SEC23A: variants seen among roughly 807,000 people sequenced by gnomAD.
SEC23A encodes SEC23 homolog A, COPII component.
SEC23A carries 56 observed loss-of-function variants against 103.7 expected under a neutral mutation model. The ratio of observed to expected loss-of-function variants is 0.54; its 90% CI spans 0.44 to 0.67. SEC23A has a LOEUF of 0.67. Ranked by LOEUF, SEC23A falls within the 30% of genes least tolerant of loss-of-function variation. The pLI is 0.00. For synonymous variants in SEC23A, 281 were observed against 293.0 expected, an observed-to-expected ratio of 0.96 and a Z score of 0.42; for missense variants, 784 against 936.4, an observed-to-expected ratio of 0.84 and a Z score of 2.12.
intron 18 of SEC23A, 81 bp downstream of exon 18, chr14:39,040,651 A>G: frequency 3.2e-6 from 5 of 1,544,308 alleles, no homozygotes; most frequent in Non-Finnish European, 4.5e-6. Flanking sequence ...GAAGCAATCT[A>G]TTAAAATCAG....
chr14:39,067,292 A>T lies in SEC23A; in HGVS notation c.1108T>A (p.Tyr370Asn), dbSNP rs777404819. Residue 370 changes from tyrosine (Y) to asparagine (N), a missense_variant, in exon 10 of 20, where the codon TAC becomes AAC. By Grantham distance (143) the Tyr-to-Asn change is moderately radical. This residue lies in a region of SEC23A where 683 missense variants were observed against 774.2 expected (regional missense o/e 0.88). Coordinates refer to ENST00000307712, the MANE Select transcript of SEC23A (RefSeq NM_006364.4). ...TTGAAAGAATCACCCATTACCATGT[A>T]TCCTCTGCATGGAAAGAACAAAAAA... The part of the protein sequence containing the change: ...MKCCPNLTGG[Y>N]MVMGDSFNTS... 6.2e-7 allele frequency: 1 copy of T among 1,613,476 alleles called. No individual in the cohort carries two copies. Among genetic ancestry groups the T allele is most frequent in the Non-Finnish European group, 8.5e-7 (1 of 1,179,834 alleles).
chr14:39,076,041 G>A lies in SEC23A; in HGVS notation c.881C>T (p.Ala294Val). Reference sequence around the variant, plus strand: ...AACCACCATTCCAGGCCCCTGAGTAGCAGGACCACCAATGAACATCATGAT... The same window carrying A: ...AACCACCATTCCAGGCCCCTGAGTAACAGGACCACCAATGAACATCATGAT... ...ARIMMFIGGP[A>V]TQGPGMVVGD... Residue 294 changes from alanine to valine, a missense_variant, in exon 8 of 20, where the codon GCT becomes GTT. Ala to Val is a moderately conservative substitution (Grantham distance 64). This residue lies in a region of SEC23A where 683 missense variants were observed against 774.2 expected (regional missense o/e 0.88). Transcript: ENST00000307712. The A allele has an allele frequency of 6.2e-7, 1 of 1,613,582 alleles. No individual in the cohort carries two copies. The highest frequency in any genetic ancestry group is 8.5e-7 in the Non-Finnish European group (1 of 1,179,820).
chr14:39,090,853 TA>T lies in SEC23A; in HGVS notation c.603+623del, dbSNP rs555910283. The T allele has an allele frequency of 6.7e-5, 16 of 240,184 alleles. No homozygotes were observed. The East Asian group carries it at 2.2e-3, about 33-fold the overall frequency. 14.9% of individuals were successfully genotyped at this position (240,184 alleles called of 1,614,324 possible). A position where few individuals can be genotyped will look rare whatever the true frequency, so the allele number is the denominator to read the frequency against. ...CAGTGGATTAGATCAATGCCCTTGT[TA>T]AAGCAGCTGATATAAATGTTGAACC... On this transcript the variant is annotated intron_variant, in intron 5 of 19. Transcript: ENST00000307712.
At chr14:39,070,429 G>A (rs1886806341) in intron 9 of SEC23A, among the ~76,000 whole-genome samples, 4 of 152,050 alleles carry the variant, frequency 2.6e-5, no homozygotes, top group Non-Finnish European at 5.9e-5. Context: ...AAAACTACAG[G>A]CCAGTATCTC....
chr14:39,093,260 AG>A lies in SEC23A; in HGVS notation c.222-17del, dbSNP rs1283110866. On this transcript the variant is annotated splice_polypyrimidine_tract_variant and intron_variant, in intron 2 of 19. Transcript: ENST00000307712. Reference sequence around the variant, plus strand: ...ATCCACTTGACTGTTTTAAAAAAAAAGAAAAGACATATCAGTTCATATTTCA... The same window carrying A: ...ATCCACTTGACTGTTTTAAAAAAAAAAAAAGACATATCAGTTCATATTTCA... 2.5e-6 allele frequency: 4 copies of A among 1,603,604 alleles called. No homozygotes were observed. Among genetic ancestry groups the A allele is most frequent in the Non-Finnish European group, 3.4e-6 (4 of 1,173,698 alleles).
chr14:39,078,205 T>C (rs1490718916), intron 7 of SEC23A, among the ~76,000 whole-genome samples: 2 of 151,614 alleles, frequency 1.3e-5, no homozygotes, highest in African/African-American at 4.9e-5. Flanking sequence ...CAGTCAACCA[T>C]GATCATGCCA....
At chr14:39,051,050 G>C (rs1003587029) in intron 14 of SEC23A, among the ~76,000 whole-genome samples, 2 of 152,166 alleles carry the variant, frequency 1.3e-5, no homozygotes, top group African/African-American at 4.8e-5. Context: ...AACACAAATA[G>C]AGAAAAAGTT....
rs1180026423 is a variant in SEC23A, at chr14:39,033,041, T to C, written c.*198A>G. 3.4e-6 allele frequency: 2 copies of C among 584,646 alleles called. No individual in the cohort carries two copies. Among genetic ancestry groups the C allele is most frequent in the African/African-American group, 1.9e-5 (1 of 53,264 alleles). The allele number at this position is 584,646 out of a possible 1,614,324, so 36.2% of individuals were successfully genotyped here. A position where few individuals can be genotyped will look rare whatever the true frequency, so the allele number is the denominator to read the frequency against. ...AGCTATAACACTGTGGTAAGCAAAA[T>C]AAATTTGTTCTTATTGCTCTCATTA... On this transcript the variant is annotated 3_prime_UTR_variant, in exon 20 of 20. Coordinates refer to ENST00000307712, the MANE Select transcript of SEC23A (RefSeq NM_006364.4).
rs1457438584 is a variant in SEC23A at position 39,033,062 on chromosome 14, C to T, written c.*177G>A. On this transcript the variant is annotated 3_prime_UTR_variant, in exon 20 of 20. Coordinates refer to ENST00000307712, the MANE Select transcript of SEC23A (RefSeq NM_006364.4). Reference sequence around the variant, plus strand: ...AAAATAAATTTGTTCTTATTGCTCTCATTATAATTCCAGCTTAATCTACAA... The same window carrying T: ...AAAATAAATTTGTTCTTATTGCTCTTATTATAATTCCAGCTTAATCTACAA... 6.5e-6 allele frequency: 4 copies of T among 614,504 alleles called. No individual in the cohort carries two copies. The highest frequency in any genetic ancestry group is 1.2e-5 in the Non-Finnish European group (4 of 339,064). 38.1% of individuals were successfully genotyped at this position (614,504 alleles called of 1,614,324 possible).
At chr14:39,046,479 T>C (rs942514750) in intron 15 of SEC23A, among the ~76,000 whole-genome samples, 2 of 151,842 alleles carry the variant, frequency 1.3e-5, no homozygotes, top group Admixed American at 6.6e-5. Flanking sequence ...GTCTCAAAAA[T>C]AAATAAATAA....
At chr14:39,057,046 GCTCACAC>G (rs1233815684) in intron 13 of SEC23A, among the ~76,000 whole-genome samples, 1 of 152,050 alleles carries the variant, frequency 6.6e-6, no homozygotes, top group African/African-American at 2.4e-5. Context: ...GGTTGCGGTG[GCTCACAC>G]CTGTAATCAC....
At position 39,096,044 on chromosome 14, in the gene SEC23A, T is replaced by C. The variant is rs1462736736; in HGVS notation, c.75A>G (p.Pro25=). Residue 25 remains proline, a synonymous_variant, in exon 2 of 20, where the codon CCA becomes CCG. Transcript: ENST00000307712. ...DGVRFSWNVW[P]SSRLEATRMV... The stretch of plus-strand genomic sequence containing the variant: ...TTCTTGTAGCTTCCAGTCGACTTGA[T>C]GGCCAAACATTCCAACTAAATCGGA... The C allele has an allele frequency of 1.9e-6, 3 of 1,614,172 alleles. No individual in the cohort carries two copies. Among genetic ancestry groups the C allele is most frequent in the Non-Finnish European group, 2.5e-6 (3 of 1,180,006 alleles).
intron 7 of SEC23A, among the ~76,000 whole-genome samples, chr14:39,080,648 C>T (rs1016651176): frequency 2.0e-5 from 3 of 152,124 alleles, no homozygotes; most frequent in African/African-American, 4.8e-5. Flanking sequence ...TCAGGTAATC[C>T]GCCTGCCTCG....
At chr14:39,039,982 A>C (rs1885583434) in intron 18 of SEC23A, 1 of 152,248 alleles carries the variant, frequency 6.6e-6, no homozygotes, top group Non-Finnish European at 1.5e-5. Context: ...ATTTCTGAAT[A>C]ACAGTTACTG....
At chr14:39,102,176 G>A (rs1045162867) in intron 1 of SEC23A, among the ~76,000 whole-genome samples, 3 of 151,850 alleles carry the variant, frequency 2.0e-5, no homozygotes, top group Non-Finnish European at 4.4e-5. Context: ...AGGTTGCAGT[G>A]AGCCGAGATT....
At chr14:39,102,228 T>A (rs1305387664) in intron 1 of SEC23A, among the ~76,000 whole-genome samples, 1 of 150,948 alleles carries the variant, frequency 6.6e-6, no homozygotes, top group Non-Finnish European at 1.5e-5. Flanking sequence ...CAAGACTCCG[T>A]CTCAGAAAAA....
At chr14:39,071,955 C>T (rs11848164) in intron 9 of SEC23A, among the ~76,000 whole-genome samples, 73,645 of 152,012 alleles carry the variant, frequency 0.48, 18,191 homozygotes, top group Middle Eastern at 0.58. Flanking sequence ...TGAGGGAGGC[C>T]GGGCGGGGTG....
intron 12 of SEC23A, 69 bp from the exon 13 acceptor site, chr14:39,061,940 C>A: frequency 2.2e-6 from 2 of 914,074 alleles, no homozygotes; most frequent in Non-Finnish European, 3.7e-6. Flanking sequence ...TCACAGGCTA[C>A]ATGTCCTAGC....
chr14:39,064,681 T>C (rs1285641332), intron 11 of SEC23A: 2 of 531,632 alleles, frequency 3.8e-6, no homozygotes, highest in Non-Finnish European at 3.4e-6. Context: ...AGGAATGCTA[T>C]AGGCTGCCAC....
Sources: gnomAD v4.1 joint callset for allele counts (sites outside exome capture counted in the v4.1 genomes callset) on GRCh38, gnomAD v4.1.1 for gene constraint, gnomAD v4.1.1 regional missense constraint, MANE v1.5 for transcripts, NCBI Gene and HGNC (gene_info 2026-07-23, HGNC 2026-07-21) for gene names.